Variants in ZNF718 observed in about 807,000 individuals in gnomAD.
The protein encoded by ZNF718 is zinc finger protein 718.
A neutral mutation model predicts 2.6 loss-of-function variants in ZNF718; 3 were observed. That is an observed-to-expected ratio of 1.16 (90% CI 0.53 to 3.01). The LOEUF is 3.01. Among genes scored for constraint, ZNF718 ranks in the 30% most tolerant of loss-of-function variants. The probability of loss-of-function intolerance (pLI) is 0.03; values close to 1 mark genes in which losing one functional copy is unlikely to be tolerated. For synonymous variants in ZNF718, 135 were observed against 77.9 expected (o/e 1.73, Z -3.86); for missense variants, 468 against 230.0 (o/e 2.03, Z -6.69).
At chr4:142,597 A>C in intron 3 of ZNF718, among the ~76,000 whole-genome samples, 1 of 149,146 alleles carries the variant, frequency 6.7e-6, no homozygotes, top group East Asian at 2.0e-4. Flanking sequence ...AGAAGCAATG[A>C]TTTAAAAAGG....
At chr4:167,911 G>A (rs1717128121), downstream of ZNF718, among the ~76,000 whole-genome samples, 1 of 152,102 alleles carries the variant, frequency 6.6e-6, no homozygotes, top group South Asian at 2.1e-4. Context: ...GTGAGAGAGG[G>A]CATCCCTGTC....
At chr4:199,683 G>A (rs1200135550) in intron 3 of ZNF718, among the ~76,000 whole-genome samples, 1 of 152,210 alleles carries the variant, frequency 6.6e-6, no homozygotes, top group Admixed American at 6.5e-5. Flanking sequence ...GAGTGTTGAT[G>A]GGGTTAAATG....
intron 3 of ZNF718, among the ~76,000 whole-genome samples, chr4:172,188 T>C (rs1398897515): frequency 1.3e-5 from 2 of 152,192 alleles, no homozygotes; most frequent in Non-Finnish European, 2.9e-5. Flanking sequence ...CAAATGCCTC[T>C]TTTTTTCTGA....
At chr4:169,118 G>A (rs1435745969), downstream of ZNF718, among the ~76,000 whole-genome samples, 2 of 152,156 alleles carry the variant, frequency 1.3e-5, no homozygotes, top group Non-Finnish European at 2.9e-5. Flanking sequence ...GTACCCAGTA[G>A]TCATTCAGGA....
chr4:157,922 G>C (rs1322650369), intron 3 of ZNF718, among the ~76,000 whole-genome samples: 1 of 151,978 alleles, frequency 6.6e-6, no homozygotes, highest in African/African-American at 2.4e-5. Context: ...TACAGAAATT[G>C]GGGTATCAAA....
At chr4:178,356 C>G (rs1468786200) in intron 3 of ZNF718, among the ~76,000 whole-genome samples, 1 of 152,018 alleles carries the variant, frequency 6.6e-6, no homozygotes, top group East Asian at 1.9e-4. Flanking sequence ...CCAGGCTGGA[C>G]TCAAACTTCT....
intron 3 of ZNF718, among the ~76,000 whole-genome samples, chr4:148,529 A>G (rs1716166938): frequency 6.6e-6 from 1 of 151,078 alleles, no homozygotes; most frequent in Admixed American, 6.6e-5. Context: ...GAATTGCTTG[A>G]ACCTGGGAGC....
At chr4:171,820 A>G (rs1717241287) in intron 3 of ZNF718, among the ~76,000 whole-genome samples, 1 of 152,168 alleles carries the variant, frequency 6.6e-6, no homozygotes, top group African/African-American at 2.4e-5. Context: ...GCCCTGCTTC[A>G]GCTCAAGCTT....
downstream of ZNF718, among the ~76,000 whole-genome samples, chr4:167,584 T>G (rs1717118869): frequency 6.6e-6 from 1 of 152,180 alleles, no homozygotes; most frequent in Non-Finnish European, 1.5e-5. Context: ...TAAGTTTGAT[T>G]CCTAGGTATT....
At chr4:150,607 G>A (rs1581445335) in intron 3 of ZNF718, among the ~76,000 whole-genome samples, 6 of 151,894 alleles carry the variant, frequency 4.0e-5, no homozygotes, top group Admixed American at 3.9e-4. Flanking sequence ...TAACTGAATA[G>A]TATTTTGTTG....
rs1186157695 is a variant in ZNF718, at chr4:127,830, A to G, written c.4-2958A>G. Among the ~76,000 whole-genome samples, 5 of 104,794 alleles carry G rather than the reference A, an allele frequency of 4.8e-5. 2 individuals carry two copies. Among genetic ancestry groups the G allele is most frequent in the Admixed American group, 3.1e-4 (3 of 9,780 alleles). The allele number at this position is 104,794 out of a possible 152,430, so 68.7% of individuals were successfully genotyped here. A position where few individuals can be genotyped will look rare whatever the true frequency, so the allele number is the denominator to read the frequency against. ...AGCTTAACAATGTATATAACCAATC[A>G]CTAACCAATGTTACTTCTGTAAATA... On this transcript the variant is annotated intron_variant, in intron 1 of 3. Coordinates refer to ENST00000510175, the MANE Select transcript of ZNF718 (RefSeq NM_001039127.6).
intron 3 of ZNF718, among the ~76,000 whole-genome samples, chr4:153,108 G>T (rs971414061): frequency 1.3e-5 from 2 of 151,694 alleles, no homozygotes; most frequent in Non-Finnish European, 2.9e-5. Context: ...TAGGGGCCTA[G>T]GTTTATTTTT....
intron 3 of ZNF718, among the ~76,000 whole-genome samples, chr4:200,302 G>C (rs1293229648): frequency 6.6e-6 from 1 of 152,214 alleles, no homozygotes; most frequent in Non-Finnish European, 1.5e-5. Context: ...ACGCACTGTA[G>C]CCCAGGCTGG....
At chr4:145,794 T>C (rs764103222) in intron 3 of ZNF718, among the ~76,000 whole-genome samples, 154 of 152,180 alleles carry the variant, frequency 1.0e-3, no homozygotes, top group Non-Finnish European at 2.0e-3. Context: ...CTTTGTGAGA[T>C]CTTTATTTTA....
chr4:183,460 T>C (rs1717505889), intron 3 of ZNF718, among the ~76,000 whole-genome samples: 1 of 152,184 alleles, frequency 6.6e-6, no homozygotes, highest in Non-Finnish European at 1.5e-5. Context: ...TTCTTTTTGC[T>C]TAGAATTGCC....
In ZNF718 at chr4:161,043, G is replaced by A; in HGVS notation, c.358G>A (p.Glu120Lys). The change falls in exon 4 of 4, where the codon GAG becomes AAG. Residue 120 changes from glutamate to lysine, a missense_variant. By Grantham distance (56) the Glu-to-Lys change is moderately conservative. Coordinates refer to ENST00000510175, the MANE Select transcript of ZNF718 (RefSeq NM_001039127.6). ...NLRKTCKSIN[E>K]CKVQKGGYNR... ...AAGAAAAACTTGTAAAAGTATAAAT[G>A]AGTGTAAGGTGCAGAAAGGTGGTTA... 1 of 780,498 alleles carries A rather than the reference G, an allele frequency of 1.3e-6. No homozygotes were observed. Among genetic ancestry groups the A allele is most frequent in the East Asian group, 2.4e-5 (1 of 41,234 alleles). 48.3% of individuals were successfully genotyped at this position (780,498 alleles called of 1,614,324 possible). A position where few individuals can be genotyped will look rare whatever the true frequency, so the allele number is the denominator to read the frequency against.
At chr4:147,887 A>G (rs532046651) in intron 3 of ZNF718, among the ~76,000 whole-genome samples, 129 of 152,144 alleles carry the variant, frequency 8.5e-4, no homozygotes, top group African/African-American at 2.7e-3. Flanking sequence ...AAACCCTCCA[A>G]TTATATCTGG....
chr4:165,780 C>T (rs1451307073), downstream of ZNF718, among the ~76,000 whole-genome samples: 1 of 152,152 alleles, frequency 6.6e-6, no homozygotes, highest in Non-Finnish European at 1.5e-5. Context: ...GCCTGGGTGA[C>T]AGAGTGAGAC....
Position 147,036 on chromosome 4 carries a change from T to A in ZNF718, c.227-13876T>A, listed in dbSNP as rs556334541. On this transcript the variant is annotated intron_variant, in intron 3 of 3. Transcript: ENST00000510175. Reference sequence around the variant, plus strand: ...CTCAGGCTAGAGTGCAGTGGGGTGATCTTGACTCACTGCAACCTTCACACT... The same window carrying A: ...CTCAGGCTAGAGTGCAGTGGGGTGAACTTGACTCACTGCAACCTTCACACT... Among the ~76,000 whole-genome samples the A allele has an allele frequency of 1.1e-4, 16 of 152,242 alleles. 1 individual carries two copies. In the South Asian group the frequency reaches 2.1e-3, roughly 20 times the overall value.
Sources: gnomAD v4.1 joint callset for allele counts (sites outside exome capture counted in the v4.1 genomes callset) on GRCh38, gnomAD v4.1.1 for gene constraint, MANE v1.5 for transcripts, NCBI Gene and HGNC (gene_info 2026-07-23, HGNC 2026-07-21) for gene names.